The following ZFHX3 variants were observed in gnomAD, a reference collection of about 807,000 sequenced individuals.
The protein encoded by ZFHX3 is zinc finger homeobox protein 3.
In ZFHX3, 42 loss-of-function variants were observed where a neutral mutation model predicts 279.1. The ratio of observed to expected loss-of-function variants is 0.15; its 90% confidence interval spans 0.12 to 0.19. ZFHX3 has a LOEUF of 0.19. Among genes scored for constraint, ZFHX3 ranks in the 10% least tolerant of loss-of-function variants. The pLI is 1.00. For synonymous variants in ZFHX3, 2,293 were observed against 1,957.8 expected (o/e 1.17, Z -4.52); for missense variants, 4,981 against 4,754.0 (o/e 1.05, Z -1.40).
chr16:73,263,445 T>A (rs182586671), intron 4 of ZFHX3, among the ~76,000 whole-genome samples: 2,201 of 152,312 alleles, frequency 0.014, 51 homozygotes, highest in African/African-American at 0.051. Flanking sequence ...TGCCTCGGCC[T>A]CCCAGACTGT....
intron 3 of ZFHX3, among the ~76,000 whole-genome samples, chr16:73,396,294 C>A (rs146695925): frequency 1.5e-4 from 23 of 152,296 alleles, no homozygotes; most frequent in African/African-American, 4.8e-4. Flanking sequence ...ATATCTTGCA[C>A]GGTGCAAGTA....
chr16:73,473,365 A>AAAAAAAAAAAAAAAC (rs2018708335), intron 2 of ZFHX3, among the ~76,000 whole-genome samples: 18 of 130,172 alleles, frequency 1.4e-4, no homozygotes, highest in African/African-American at 5.2e-4. Flanking sequence ...AAACAAAAAA[A>AAAAAAAAAAAAAAAC]AAAAAAACAA....
At chr16:73,459,407 G>A (rs1050868803) in intron 2 of ZFHX3, among the ~76,000 whole-genome samples, 2 of 152,192 alleles carry the variant, frequency 1.3e-5, no homozygotes, top group Admixed American at 6.5e-5. Context: ...ATGTCGCCCA[G>A]GCTGAAGTGC....
At chr16:73,872,231 G>C (rs2029863778) in intron 1 of ZFHX3, among the ~76,000 whole-genome samples, 1 of 151,772 alleles carries the variant, frequency 6.6e-6, no homozygotes, top group Non-Finnish European at 1.5e-5. Flanking sequence ...CCATATAAAA[G>C]AGAGGACATC....
chr16:73,702,899 A>C (rs1311999536), intron 1 of ZFHX3, among the ~76,000 whole-genome samples: 2 of 152,166 alleles, frequency 1.3e-5, no homozygotes, highest in Non-Finnish European at 2.9e-5. Flanking sequence ...CAAAAAATTC[A>C]AGTGATGGTG....
intron 1 of ZFHX3, among the ~76,000 whole-genome samples, chr16:73,867,316 C>A (rs946286341): frequency 6.6e-6 from 1 of 152,052 alleles, no homozygotes; most frequent in Non-Finnish European, 1.5e-5. Context: ...GGTCTCTGGC[C>A]CAAGTAAGTG....
At position 73,824,335 on chromosome 16, in the gene ZFHX3, A is replaced by G. The variant is rs1055936126; in HGVS notation, c.-1608+67316T>C. 4.0e-5 allele frequency among the ~76,000 whole-genome samples: 6 copies of G among 151,658 alleles called. No individual in the cohort carries two copies. In the East Asian group the frequency reaches 1.2e-3, roughly 29 times the overall value. On this transcript the variant is annotated intron_variant, in intron 1 of 17. Coordinates refer to the ZFHX3 transcript ENST00000641206. ...ATAAAGCAAATGCCCTTTTCTTAAT[A>G]ATCTCCAAAACAATGTCAGAAATGT... is the stretch of plus-strand genomic sequence containing the variant.
chr16:72,795,599 G>T lies in ZFHX3; in HGVS notation c.7083C>A (p.Asp2361Glu). The T allele has an allele frequency of 6.2e-7, 1 of 1,613,810 alleles. No individual in the cohort carries two copies. Among genetic ancestry groups the T allele is most frequent in the Non-Finnish European group, 8.5e-7 (1 of 1,179,932 alleles). ...CCATGGAATCCTCATTTTGGCTGTC[G>T]TCCTGCCCCTCCTCATCCTCATCCT... ...CYKDEDEEGQ[D>E]DSQNEDSMDA... The change falls in exon 9 of 10, where the codon GAC becomes GAA. Residue 2361 changes from aspartate to glutamate, a missense_variant. Physicochemically the swap from Asp to Glu is conservative, Grantham distance 45. Transcript: ENST00000268489.
chr16:72,787,249 G>T lies in ZFHX3; in HGVS notation c.11027C>A (p.Ala3676Glu), dbSNP rs923198124. The T allele has an allele frequency of 1.2e-6, 2 of 1,613,932 alleles. No homozygotes were observed. The highest frequency in any genetic ancestry group is 1.7e-5 in the Admixed American group (1 of 59,998). ...GTCTTTGGGACCCTCCACCGGGCTC[G>T]CCGGTCCGTCGGACTTTTGGCTGAG... Reference protein sequence around the residue: ...TDLSQKSDGPASPVEGPKDPS... With the variant: ...TDLSQKSDGPESPVEGPKDPS... Residue 3676 changes from alanine to glutamate, a missense_variant, in exon 10 of 10, where the codon GCG becomes GAG. Ala to Glu is a moderately radical substitution (Grantham distance 107). Around this residue, in one of 7 missense-constraint regions of ZFHX3, gnomAD observed 1,034 missense variants for 786.0 expected, o/e 1.32. Transcript: ENST00000268489.
chr16:73,877,815 G>T (rs1385308122), intron 1 of ZFHX3, among the ~76,000 whole-genome samples: 1 of 151,588 alleles, frequency 6.6e-6, no homozygotes, highest in African/African-American at 2.4e-5. Context: ...GATTCTTCAG[G>T]GACAACTCAG....
chr16:73,588,702 C>CAAAAAAAAAAAAAAAAA (rs35658515), intron 2 of ZFHX3, among the ~76,000 whole-genome samples: 1 of 56,374 alleles, frequency 1.8e-5, no homozygotes, highest in African/African-American at 5.7e-5. Context: ...AAACAAAAAA[C>CAAAAAAAAAAAAAAAAA]AAAACAAAAA....
chr16:73,436,154 A>G (rs2017994396), intron 3 of ZFHX3, among the ~76,000 whole-genome samples: 1 of 152,084 alleles, frequency 6.6e-6, no homozygotes, highest in South Asian at 2.1e-4. Context: ...ACACGGAGAA[A>G]CCCTGTCTCT....
At chr16:72,843,482 T>C (rs1814756299) in intron 4 of ZFHX3, among the ~76,000 whole-genome samples, 1 of 121,350 alleles carries the variant, frequency 8.2e-6, no homozygotes, top group African/African-American at 3.3e-5. Flanking sequence ...CTGCACTCCA[T>C]CCAGCCTGGG....
intron 3 of ZFHX3, among the ~76,000 whole-genome samples, chr16:73,341,938 T>C (rs1447539148): frequency 6.6e-6 from 1 of 152,190 alleles, no homozygotes; most frequent in Non-Finnish European, 1.5e-5. Flanking sequence ...CTGGGGGTTA[T>C]GGGACATTAG....
intron 5 of ZFHX3, among the ~76,000 whole-genome samples, chr16:73,244,653 G>A (rs935731281): frequency 2.6e-5 from 4 of 152,174 alleles, no homozygotes; most frequent in Non-Finnish European, 4.4e-5. Context: ...CATGTCCAGC[G>A]GGATCCCTTA....
chr16:73,807,107 T>C (rs1025500167), intron 1 of ZFHX3, among the ~76,000 whole-genome samples: 2 of 152,064 alleles, frequency 1.3e-5, no homozygotes, highest in South Asian at 4.1e-4. Context: ...AGAAAGGGAG[T>C]GGCCACATCC....
At chr16:73,145,236 G>A (rs1966857951) in intron 5 of ZFHX3, among the ~76,000 whole-genome samples, 1 of 152,160 alleles carries the variant, frequency 6.6e-6, no homozygotes, top group Non-Finnish European at 1.5e-5. Flanking sequence ...GCTCGGTCCT[G>A]GCCAGCTTTC....
At chr16:73,168,051 T>G (rs1967414399) in intron 5 of ZFHX3, among the ~76,000 whole-genome samples, 1 of 152,194 alleles carries the variant, frequency 6.6e-6, no homozygotes. Context: ...TATAAAATCA[T>G]CTGCTTATTT....
intron 1 of ZFHX3, among the ~76,000 whole-genome samples, chr16:73,798,010 T>C (rs1385776920): frequency 6.6e-6 from 1 of 152,030 alleles, no homozygotes; most frequent in Non-Finnish European, 1.5e-5. Flanking sequence ...GGTTTCACCA[T>C]GTTGCCCAGG....
Sources: allele counts gnomAD v4.1 joint callset (sites outside exome capture counted in the v4.1 genomes callset), GRCh38; gene constraint gnomAD v4.1.1; regional missense constraint gnomAD v4.1.1; transcripts MANE v1.5; gene names NCBI Gene and HGNC (gene_info 2026-07-23, HGNC 2026-07-21).